The following GABRA2 variants were observed in gnomAD, a reference collection of about 807,000 sequenced individuals.
GABRA2 encodes the protein gamma-aminobutyric acid receptor subunit alpha-2.
GABRA2 carries 16 observed loss-of-function variants against 48.7 expected under a neutral mutation model. The observed-to-expected ratio is 0.33, with a 90% CI of 0.22 to 0.50. The LOEUF is 0.50. Ranked by LOEUF, GABRA2 falls within the 20% of genes least tolerant of loss-of-function variation. The pLI, the probability that GABRA2 is intolerant of heterozygous loss-of-function variation, is 0.98. For synonymous variants in GABRA2, 185 were observed against 184.5 expected, an observed-to-expected ratio of 1.00 and a Z score of -0.02; for missense variants, 275 against 535.6, an observed-to-expected ratio of 0.51 and a Z score of 4.80.
At chr4:46,359,511 A>G (rs1317580987) in intron 3 of GABRA2, among the ~76,000 whole-genome samples, 1 of 152,188 alleles carries the variant, frequency 6.6e-6, no homozygotes, top group Non-Finnish European at 1.5e-5. Flanking sequence ...CAACATATCT[A>G]CAATTGCCTG....
chr4:46,356,972 T>C (rs1188364937), intron 3 of GABRA2, among the ~76,000 whole-genome samples: 4 of 151,658 alleles, frequency 2.6e-5, no homozygotes, highest in African/African-American at 7.3e-5. Context: ...TGTCCTGTTT[T>C]CTGGGTTTGT....
At chr4:46,256,265 C>T (rs1715807858) in intron 9 of GABRA2, 1 of 696,534 alleles carries the variant, frequency 1.4e-6, no homozygotes. Context: ...TTGGAATAAA[C>T]TGGGCCATGA....
At chr4:46,287,793 A>G (rs549486000) in intron 8 of GABRA2, among the ~76,000 whole-genome samples, 30 of 152,274 alleles carry the variant, frequency 2.0e-4, no homozygotes, top group Non-Finnish European at 3.1e-4. Context: ...AATAAAAAAA[A>G]AGAAGAATCA....
At chr4:46,385,979 G>A (rs1717394268) in intron 3 of GABRA2, 95 bp downstream of exon 3, 1 of 690,846 alleles carries the variant, frequency 1.4e-6, no homozygotes, top group Non-Finnish European at 2.5e-6. Context: ...ACACAGTGAT[G>A]CATTCATATA....
At chr4:46,383,115 T>C (rs1452014331) in intron 3 of GABRA2, among the ~76,000 whole-genome samples, 1 of 152,180 alleles carries the variant, frequency 6.6e-6, no homozygotes, top group African/African-American at 2.4e-5. Context: ...ATTTAGCAAG[T>C]TCTTCAAAGT....
intron 3 of GABRA2, among the ~76,000 whole-genome samples, chr4:46,379,748 A>C (rs887431599): frequency 1.3e-5 from 2 of 152,190 alleles, no homozygotes; most frequent in Non-Finnish European, 2.9e-5. Context: ...CAGCTGCCTG[A>C]TTGAGGAGAA....
intron 8 of GABRA2, among the ~76,000 whole-genome samples, chr4:46,280,436 G>A (rs1577885852): frequency 6.6e-6 from 1 of 151,944 alleles, no homozygotes; most frequent in South Asian, 2.1e-4. Flanking sequence ...GATAGGAAGG[G>A]TGGCAGAAGT....
chr4:46,329,158 C>G (rs568207184), intron 4 of GABRA2, among the ~76,000 whole-genome samples: 2 of 152,212 alleles, frequency 1.3e-5, no homozygotes, highest in Admixed American at 1.3e-4. Context: ...GTATTACACA[C>G]TATTAGTATT....
intron 3 of GABRA2, among the ~76,000 whole-genome samples, chr4:46,377,676 C>T (rs1339860306): frequency 2.0e-5 from 3 of 146,978 alleles, no homozygotes; most frequent in Non-Finnish European, 4.5e-5. Flanking sequence ...GCCGCCCCTA[C>T]TGGGAAGTGA....
At chr4:46,256,110 T>A in intron 9 of GABRA2, 1 of 440,270 alleles carries the variant, frequency 2.3e-6, no homozygotes, top group Non-Finnish European at 4.1e-6. Flanking sequence ...GCTCATTACT[T>A]GTAAAATAAC....
At chr4:46,298,399 G>A (rs1456342244) in intron 8 of GABRA2, among the ~76,000 whole-genome samples, 1 of 151,314 alleles carries the variant, frequency 6.6e-6, no homozygotes, top group Non-Finnish European at 1.5e-5. Context: ...TTACAGTTCT[G>A]TATATGCATG....
At chr4:46,318,482 T>G (rs1268170058) in intron 4 of GABRA2, among the ~76,000 whole-genome samples, 1 of 151,664 alleles carries the variant, frequency 6.6e-6, no homozygotes, top group Non-Finnish European at 1.5e-5. Flanking sequence ...ATAAATTATT[T>G]TCATGTGATT....
chr4:46,276,986 G>T (rs757031941), intron 8 of GABRA2, among the ~76,000 whole-genome samples: 8 of 151,928 alleles, frequency 5.3e-5, no homozygotes, highest in Non-Finnish European at 1.2e-4. Flanking sequence ...GCATGTCCTG[G>T]TCAAAATCTA....
At chr4:46,322,016 G>A (rs888256039) in intron 4 of GABRA2, among the ~76,000 whole-genome samples, 8 of 151,928 alleles carry the variant, frequency 5.3e-5, no homozygotes, top group Non-Finnish European at 8.8e-5. Flanking sequence ...CCATACAAAC[G>A]GCATATATTG....
intron 3 of GABRA2, among the ~76,000 whole-genome samples, chr4:46,340,450 T>C (rs998887774): frequency 3.8e-4 from 57 of 151,980 alleles, no homozygotes; most frequent in African/African-American, 1.3e-3. Flanking sequence ...ATTTTGAAAA[T>C]TTTATTATAA....
At chr4:46,250,664 A>G in intron 9 of GABRA2, 60 bp from the exon 10 acceptor site, 1 of 1,284,376 alleles carries the variant, frequency 7.8e-7, no homozygotes, top group Non-Finnish European at 1.1e-6. Context: ...AACATTTTCT[A>G]AAGTCCACTT....
chr4:46,310,797 TA>T (rs1378195043), intron 5 of GABRA2, among the ~76,000 whole-genome samples: 1 of 152,192 alleles, frequency 6.6e-6, no homozygotes, highest in Non-Finnish European at 1.5e-5. Context: ...GAAATAACTT[TA>T]TCAAGTTTAG....
chr4:46,366,918 C>T (rs1714129426), intron 3 of GABRA2: 1 of 152,022 alleles, frequency 6.6e-6, no homozygotes, highest in South Asian at 2.1e-4. Flanking sequence ...TCATGTGCAT[C>T]TAGTGGCTCT....
intron 3 of GABRA2, among the ~76,000 whole-genome samples, chr4:46,335,922 T>TA (rs1287533169): frequency 6.6e-6 from 1 of 152,178 alleles, no homozygotes. Flanking sequence ...CACAAACCTC[T>TA]ATGTAATGTA....
Sources: gnomAD v4.1 joint callset for allele counts (sites outside exome capture counted in the v4.1 genomes callset) on GRCh38, gnomAD v4.1.1 for gene constraint, MANE v1.5 for transcripts, NCBI Gene and HGNC (gene_info 2026-07-23, HGNC 2026-07-21) for gene names.